CYSTM1: variants seen among roughly 807,000 people sequenced by gnomAD.
The protein encoded by CYSTM1 is cysteine rich transmembrane module containing 1, also known as cysteine-rich transmembrane module-containing protein 1.
In CYSTM1, 4 loss-of-function variants were observed where a neutral mutation model predicts 13.1. The ratio of observed to expected loss-of-function variants is 0.31; its 90% CI spans 0.15 to 0.70. The LOEUF is 0.70. Among genes scored for constraint, CYSTM1 ranks in the 30% least tolerant of loss-of-function variants. CYSTM1 has a pLI of 0.72. For synonymous variants in CYSTM1, 36 were observed against 42.7 expected, an observed-to-expected ratio of 0.84 and a Z score of 0.62; for missense variants, 96 against 121.6, an observed-to-expected ratio of 0.79 and a Z score of 0.99.
intron 1 of CYSTM1, among the ~76,000 whole-genome samples, chr5:140,177,078 A>AAACAAAAAAAAAC (rs1554131561): frequency 2.2e-5 from 3 of 135,614 alleles, no homozygotes; most frequent in Admixed American, 7.6e-5. Flanking sequence ...CAAAAAAAAA[A>AAACAAAAAAAAAC]AAAAAAAAAT....
intron 2 of CYSTM1, among the ~76,000 whole-genome samples, chr5:140,212,779 C>A (rs917491391): frequency 2.6e-5 from 4 of 151,730 alleles, no homozygotes; most frequent in Non-Finnish European, 4.4e-5. Flanking sequence ...CCAGCCTGGG[C>A]AATATGGCCA....
At chr5:140,203,105 G>A (rs564442598) in intron 2 of CYSTM1, 1 of 152,226 alleles carries the variant, frequency 6.6e-6, no homozygotes, top group African/African-American at 2.4e-5. Context: ...CAGAGTAGGT[G>A]GGTTTTTTCC....
intron 2 of CYSTM1, among the ~76,000 whole-genome samples, chr5:140,224,675 C>T (rs540045278): frequency 6.2e-4 from 95 of 152,172 alleles, no homozygotes; most frequent in African/African-American, 2.2e-3. Context: ...CATGAGCCAC[C>T]ACACTCAGCT....
intron 1 of CYSTM1, among the ~76,000 whole-genome samples, chr5:140,179,306 C>T (rs910374769): frequency 1.3e-5 from 2 of 150,240 alleles, no homozygotes; most frequent in African/African-American, 4.9e-5. Flanking sequence ...CACCTGTAAT[C>T]TCAGCACTTT....
chr5:140,177,899 G>A (rs1011938522), intron 1 of CYSTM1, among the ~76,000 whole-genome samples: 1 of 152,196 alleles, frequency 6.6e-6, no homozygotes, highest in Non-Finnish European at 1.5e-5. Context: ...GAAAGAAACA[G>A]TCCACCCCCT....
chr5:140,178,441 C>CTTTTTTTTTTTTTTTTTTTTTTTT lies in CYSTM1; in HGVS notation c.-21+3158_-21+3181dup, dbSNP rs577709524. On this transcript the variant is annotated intron_variant, in intron 1 of 2. Transcript: ENST00000261811. ...TGGAAAAGCCCTATTCAAGTCCTTC[C>CTTTTTTTTTTTTTTTTTTTTTTTT]TTTTTTTTTTTTTTTTTTTTTTTTT... is the stretch of plus-strand genomic sequence containing the variant. Among the ~76,000 whole-genome samples the CTTTTTTTTTTTTTTTTTTTTTTTT allele has an allele frequency of 3.6e-4, 19 of 52,666 alleles. 2 individuals carry two copies. The highest frequency in any genetic ancestry group is 8.4e-4 in the Admixed American group (3 of 3,562). The allele number at this position is 52,666 out of a possible 152,430, so 34.6% of individuals were successfully genotyped here.
chr5:140,194,639 T>C lies in CYSTM1; in HGVS notation c.174T>C (p.Pro58=), dbSNP rs534969253. Residue 58 remains proline, a synonymous_variant, in exon 2 of 3, where the codon CCT becomes CCC. Coordinates refer to ENST00000261811, the MANE Select transcript of CYSTM1 (RefSeq NM_032412.4). The part of the protein sequence containing the change: ...QYGWQGGPQE[P]PKTTVYVVED... The stretch of plus-strand genomic sequence containing the variant: ...GCTGGCAGGGTGGACCTCAGGAGCC[T>C]CCTAAAACCACAGGTGTGTGTCTCT... The C allele has an allele frequency of 6.2e-7, 1 of 1,612,248 alleles. No homozygotes were observed. Among genetic ancestry groups the C allele is most frequent in the African/African-American group, 1.3e-5 (1 of 74,928 alleles).
intron 2 of CYSTM1, chr5:140,201,511 TATCTC>T (rs1764225213): frequency 6.6e-6 from 1 of 152,144 alleles, no homozygotes; most frequent in East Asian, 1.9e-4. Context: ...CAAAAGAAAA[TATCTC>T]TTCTTCCTTG....
intron 2 of CYSTM1, among the ~76,000 whole-genome samples, chr5:140,240,642 C>T (rs1422698017): frequency 1.3e-5 from 2 of 151,856 alleles, no homozygotes; most frequent in African/African-American, 4.8e-5. Flanking sequence ...GGTGGGGATC[C>T]TGGGGCAGAG....
rs1179355319 is a variant in CYSTM1 at position 140,239,651 on chromosome 5, TG to T, written c.188-3651del. 6.6e-6 allele frequency among the ~76,000 whole-genome samples: 1 copy of T among 152,242 alleles called. No homozygotes were observed. The highest frequency in any genetic ancestry group is 1.5e-5 in the Non-Finnish European group (1 of 68,042). On this transcript the variant is annotated intron_variant, in intron 2 of 2. Transcript: ENST00000261811. This position sits in a 1 kb window ranked among gnomAD's most constrained non-coding sequence, Gnocchi z 5.4. ...GCCTTTCTGACCTAGCCTGGGCTCC[TG>T]GGCCACATCTGTGTGCTCACGCACC...
At chr5:140,186,707 G>C (rs1256373175) in intron 1 of CYSTM1, among the ~76,000 whole-genome samples, 1 of 152,188 alleles carries the variant, frequency 6.6e-6, no homozygotes, top group Non-Finnish European at 1.5e-5. Flanking sequence ...GTAGTACTGG[G>C]TTATAGTTGA....
chr5:140,209,867 C>CT (rs891569505), intron 2 of CYSTM1, among the ~76,000 whole-genome samples: 2 of 151,624 alleles, frequency 1.3e-5, no homozygotes, highest in Admixed American at 6.6e-5. Flanking sequence ...GCTGTTTGCA[C>CT]TTTTTTTTTC....
intron 2 of CYSTM1, among the ~76,000 whole-genome samples, chr5:140,221,682 T>C (rs1263868833): frequency 6.6e-6 from 1 of 152,236 alleles, no homozygotes; most frequent in African/African-American, 2.4e-5. Flanking sequence ...GGTGTACAAA[T>C]ATCTGTTCAA....
At chr5:140,237,593 A>G (rs947185765) in intron 2 of CYSTM1, among the ~76,000 whole-genome samples, 1 of 152,220 alleles carries the variant, frequency 6.6e-6, no homozygotes, top group Non-Finnish European at 1.5e-5. Context: ...GTCTCTATCT[A>G]CAGTCAACCC....
At chr5:140,191,231 C>A (rs1468810034) in intron 1 of CYSTM1, among the ~76,000 whole-genome samples, 1 of 152,138 alleles carries the variant, frequency 6.6e-6, no homozygotes, top group Admixed American at 6.6e-5. Context: ...GATTTTTATT[C>A]CTCCAAGATA....
At chr5:140,231,429 A>G (rs1051733745) in intron 2 of CYSTM1, among the ~76,000 whole-genome samples, 2 of 152,178 alleles carry the variant, frequency 1.3e-5, no homozygotes, top group Non-Finnish European at 2.9e-5. Context: ...AGAGACAATC[A>G]TGGATTCCGT....
At chr5:140,233,638 G>A (rs1764644800) in intron 2 of CYSTM1, among the ~76,000 whole-genome samples, 1 of 152,206 alleles carries the variant, frequency 6.6e-6, no homozygotes, top group Non-Finnish European at 1.5e-5. Context: ...ATCTTTGCCA[G>A]TACTTGATAT....
At chr5:140,242,198 G>T (rs1209447327) in intron 2 of CYSTM1, among the ~76,000 whole-genome samples, 2 of 152,134 alleles carry the variant, frequency 1.3e-5, no homozygotes, top group Non-Finnish European at 2.9e-5. Context: ...AGTGGACTAG[G>T]ATTAAACCTG....
intron 2 of CYSTM1, among the ~76,000 whole-genome samples, chr5:140,211,816 G>A (rs760016764): frequency 7.2e-5 from 11 of 152,010 alleles, no homozygotes; most frequent in Non-Finnish European, 1.5e-4. Context: ...GCATGGTGGC[G>A]CACACCTGTA....
Sources: gnomAD v4.1 joint callset for allele counts (sites outside exome capture counted in the v4.1 genomes callset) on GRCh38, gnomAD v4.1.1 for gene constraint, Gnocchi (gnomAD v3.1) non-coding constraint, MANE v1.5 for transcripts, NCBI Gene and HGNC (gene_info 2026-07-23, HGNC 2026-07-21) for gene names.